SGPP2: variants seen among roughly 807,000 people sequenced by gnomAD.
SGPP2 encodes the protein sphingosine-1-phosphate phosphatase 2.
Under a neutral mutation model 33.9 loss-of-function variants are expected in SGPP2, and 30 were observed. The observed-to-expected ratio is 0.89, with a 90% CI of 0.66 to 1.20. SGPP2 has a LOEUF of 1.20. Ranked by LOEUF, SGPP2 falls within the 50% of genes most tolerant of loss-of-function variation. The probability of loss-of-function intolerance (pLI) is 0.00; values close to 1 mark genes in which losing one functional copy is unlikely to be tolerated. For missense variants in SGPP2, 458 were observed against 532.1 expected, an observed-to-expected ratio of 0.86 and a Z score of 1.37; for synonymous variants, 233 against 225.0, an observed-to-expected ratio of 1.04 and a Z score of -0.32.
intron 4 of SGPP2, among the ~76,000 whole-genome samples, chr2:222,525,446 G>A (rs549033707): frequency 1.3e-5 from 2 of 152,298 alleles, no homozygotes; most frequent in African/African-American, 4.8e-5. Context: ...CCCTTGCAAG[G>A]TAAGGGTCCC....
intron 1 of SGPP2, among the ~76,000 whole-genome samples, chr2:222,441,204 G>A (rs1017504867): frequency 1.3e-5 from 2 of 152,200 alleles, no homozygotes; most frequent in African/African-American, 4.8e-5. Context: ...ATGGTTCAGT[G>A]GCTTCTTTCC....
intron 2 of SGPP2, among the ~76,000 whole-genome samples, chr2:222,480,780 T>G (rs894409429): frequency 6.6e-6 from 1 of 152,240 alleles, no homozygotes; most frequent in African/African-American, 2.4e-5. Flanking sequence ...AAATCATTGC[T>G]AATTTAACCA....
intron 4 of SGPP2, among the ~76,000 whole-genome samples, chr2:222,553,467 A>C (rs1042647809): frequency 3.9e-5 from 6 of 152,190 alleles, no homozygotes; most frequent in Non-Finnish European, 7.3e-5. Context: ...GTAAACCTCT[A>C]TGCTAGTATT....
chr2:222,476,483 G>A lies in SGPP2; in HGVS notation c.378+1757G>A, dbSNP rs1697934188. Among the ~76,000 whole-genome samples, 1 of 152,104 alleles carries A rather than the reference G, an allele frequency of 6.6e-6. No homozygotes were observed. ...TAATCTGAGAGTCTGCAAAAGCATA[G>A]GCATCTTGCAAATCATAAAGAGAAC... is the stretch of plus-strand genomic sequence containing the variant. On this transcript the variant is annotated intron_variant, in intron 2 of 4. Coordinates refer to ENST00000321276, the MANE Select transcript of SGPP2 (RefSeq NM_152386.4). The surrounding 1 kb of genome is among the most constrained non-coding windows in gnomAD (Gnocchi z 4.3).
intron 1 of SGPP2, among the ~76,000 whole-genome samples, chr2:222,469,003 A>T (rs968524598): frequency 7.2e-5 from 11 of 152,048 alleles, no homozygotes; most frequent in Admixed American, 4.6e-4. Flanking sequence ...AACCTTTTTT[A>T]AAAAAAACTT....
At chr2:222,440,975 C>T (rs4673022) in intron 1 of SGPP2, among the ~76,000 whole-genome samples, 116,738 of 152,168 alleles carry the variant, frequency 0.77, 44,931 homozygotes, top group Middle Eastern at 0.88. Context: ...ATAGTGTGAA[C>T]TAAAAGAAAA....
chr2:222,448,083 A>C (rs1390284849), intron 1 of SGPP2, among the ~76,000 whole-genome samples: 1 of 152,164 alleles, frequency 6.6e-6, no homozygotes, highest in Non-Finnish European at 1.5e-5. Context: ...CTTATGATCT[A>C]GGTTGGACTC....
At chr2:222,556,193 C>T (rs948009615) in intron 4 of SGPP2, among the ~76,000 whole-genome samples, 3 of 152,038 alleles carry the variant, frequency 2.0e-5, no homozygotes, top group Non-Finnish European at 2.9e-5. Context: ...TGTAGAAAAC[C>T]CAAAGAGTTT....
At chr2:222,471,370 G>C (rs1697838242) in intron 1 of SGPP2, among the ~76,000 whole-genome samples, 1 of 152,110 alleles carries the variant, frequency 6.6e-6, no homozygotes, top group African/African-American at 2.4e-5. Flanking sequence ...ATGCATACTT[G>C]ATAGCCAATA....
At chr2:222,530,194 T>G (rs1698818102) in intron 4 of SGPP2, among the ~76,000 whole-genome samples, 1 of 152,200 alleles carries the variant, frequency 6.6e-6, no homozygotes, top group Non-Finnish European at 1.5e-5. Flanking sequence ...TTTAGCATAA[T>G]TCTTAAGGGC....
intron 2 of SGPP2, among the ~76,000 whole-genome samples, chr2:222,497,250 C>CTTT (rs57363978): frequency 2.4e-4 from 28 of 118,532 alleles, no homozygotes; most frequent in South Asian, 8.4e-4. Flanking sequence ...TCTCTTTCTT[C>CTTT]TTTTTTTTTT....
Position 222,436,108 on chromosome 2 carries a change from C to T in SGPP2, c.219+11287C>T, listed in dbSNP as rs1697235529. ...TCATCTTGATAGTCTGGGTCAGTCACCCCAGGCAACACTGTAACTCCTTTC... is the reference window on the plus strand; with the variant it reads ...TCATCTTGATAGTCTGGGTCAGTCATCCCAGGCAACACTGTAACTCCTTTC... On this transcript the variant is annotated intron_variant, in intron 1 of 4. Transcript: ENST00000321276. Among the ~76,000 whole-genome samples, 4 of 152,176 alleles carry T rather than the reference C, an allele frequency of 2.6e-5. No homozygotes were observed. The South Asian group carries it at 8.3e-4, about 31-fold the overall frequency.
chr2:222,472,831 T>G (rs1697866437), intron 1 of SGPP2, among the ~76,000 whole-genome samples: 1 of 152,124 alleles, frequency 6.6e-6, no homozygotes, highest in Admixed American at 6.6e-5. Context: ...CCTGGCCAAC[T>G]TGGCGAAACC....
intron 4 of SGPP2, among the ~76,000 whole-genome samples, chr2:222,553,440 A>G (rs1247387235): frequency 6.6e-6 from 1 of 152,222 alleles, no homozygotes; most frequent in East Asian, 1.9e-4. Context: ...AATGAAACCC[A>G]TGTCATAGAA....
intron 1 of SGPP2, among the ~76,000 whole-genome samples, chr2:222,462,699 G>A (rs1488764460): frequency 6.6e-6 from 1 of 152,120 alleles, no homozygotes; most frequent in Non-Finnish European, 1.5e-5. Context: ...AAGGGACCAC[G>A]AGGAATGTTC....
intron 2 of SGPP2, among the ~76,000 whole-genome samples, chr2:222,511,813 G>T (rs1698533832): frequency 6.6e-6 from 1 of 151,966 alleles, no homozygotes; most frequent in Non-Finnish European, 1.5e-5. Context: ...GAGTAGCTGG[G>T]ACTACAGGTG....
chr2:222,428,785 CTTTTTTTTTTTT>C (rs58239129), intron 1 of SGPP2, among the ~76,000 whole-genome samples: 7 of 75,344 alleles, frequency 9.3e-5, no homozygotes, highest in South Asian at 5.4e-4. Context: ...ACATGGTTTT[CTTTTTTTTTTTT>C]TTTTTTTTTT....
rs535187650 is a variant in SGPP2, at chr2:222,476,894, A to G, written c.378+2168A>G. Among the ~76,000 whole-genome samples, 1 of 150,532 alleles carries G rather than the reference A, an allele frequency of 6.6e-6. No individual in the cohort carries two copies. Among genetic ancestry groups the G allele is most frequent in the Non-Finnish European group, 1.5e-5 (1 of 67,662 alleles). On this transcript the variant is annotated intron_variant, in intron 2 of 4. Coordinates refer to ENST00000321276, the MANE Select transcript of SGPP2 (RefSeq NM_152386.4). The surrounding 1 kb of genome is among the most constrained non-coding windows in gnomAD (Gnocchi z 4.3). ...TAGGTGTGTGTATATATGTGTGTTT[A>G]TTGTATGTATATAGATGTGTATATA...
chr2:222,487,736 A>G (rs1052925939), intron 2 of SGPP2, among the ~76,000 whole-genome samples: 3 of 152,154 alleles, frequency 2.0e-5, no homozygotes, highest in African/African-American at 7.2e-5. Context: ...CCTCCTGTCC[A>G]GTGGTGGCAG....
Sources: allele counts gnomAD v4.1 joint callset (sites outside exome capture counted in the v4.1 genomes callset), GRCh38; gene constraint gnomAD v4.1.1; non-coding constraint Gnocchi (gnomAD v3.1); transcripts MANE v1.5; gene names NCBI Gene and HGNC (gene_info 2026-07-23, HGNC 2026-07-21).